ABCB4: variants seen among roughly 807,000 people sequenced by gnomAD.
ABCB4 encodes the protein phosphatidylcholine translocator ABCB4.
In ABCB4, 76 loss-of-function variants were observed where a neutral mutation model predicts 145.7. The observed-to-expected ratio is 0.52, with a 90% CI of 0.43 to 0.63. ABCB4 has a LOEUF of 0.63. Among genes scored for constraint, ABCB4 ranks in the 30% least tolerant of loss-of-function variants. The pLI, the probability that ABCB4 is intolerant of heterozygous loss-of-function variation, is 0.00. For synonymous variants in ABCB4, 517 were observed against 566.8 expected, an observed-to-expected ratio of 0.91 and a Z score of 1.25; for missense variants, 1,234 against 1,553.1, an observed-to-expected ratio of 0.79 and a Z score of 3.45.
At chr7:87,465,539 T>C (rs544846027) in intron 3 of ABCB4, among the ~76,000 whole-genome samples, 3 of 151,862 alleles carry the variant, frequency 2.0e-5, no homozygotes, top group African/African-American at 7.2e-5. Flanking sequence ...GTCTGACAGG[T>C]TTCAAGAGAG....
chr7:87,391,031 A>AG, the ABCB4 span, among the ~76,000 whole-genome samples: 15 of 152,286 alleles, frequency 9.8e-5, no homozygotes, highest in African/African-American at 3.1e-4. Context: ...TGCTCTCCTG[A>AG]GGGTAGGTCC....
intron 21 of ABCB4, 38 bp from the exon 22 acceptor site, chr7:87,413,755 T>C (rs1808785189): frequency 1.5e-6 from 2 of 1,350,946 alleles, no homozygotes; most frequent in Non-Finnish European, 2.1e-6. Flanking sequence ...AAGTGGTGTT[T>C]TCACTTCTGA....
At chr7:87,437,192 G>A (rs915408602) in intron 14 of ABCB4, among the ~76,000 whole-genome samples, 6 of 152,164 alleles carry the variant, frequency 3.9e-5, no homozygotes, top group Non-Finnish European at 7.3e-5. Flanking sequence ...AACAAGATGA[G>A]TTCTGGAGTC....
Position 87,423,930 on chromosome 7 carries a change from T to A in ABCB4, c.2187A>T (p.Ser729=), listed in dbSNP as rs76803195. 1.6e-5 allele frequency: 26 copies of A among 1,613,984 alleles called. No homozygotes were observed. The highest frequency in any genetic ancestry group is 2.2e-5 in the Non-Finnish European group (26 of 1,179,974). The change falls in exon 17 of 28, where the codon TCA becomes TCT. Residue 729 remains serine (S), a synonymous_variant. Coordinates refer to ENST00000649586, the MANE Select transcript of ABCB4 (RefSeq NM_000443.4). Reference sequence around the variant, plus strand: ...CCGCTATGATCTCTGAGAATATGACTGAAAATGCCGGCTGAAGCCCCCCAT... The same window carrying A: ...CCGCTATGATCTCTGAGAATATGACAGAAAATGCCGGCTGAAGCCCCCCAT... ...IANGGLQPAF[S]VIFSEIIAIF... is the part of the protein sequence containing the mutation.
chr7:87,367,478 T>C, the ABCB4 span, among the ~76,000 whole-genome samples: 10 of 152,194 alleles, frequency 6.6e-5, no homozygotes, highest in Non-Finnish European at 1.5e-4. Flanking sequence ...GATAATAAAT[T>C]TGTGTTGTTT....
chr7:87,469,406 CA>C (rs1813192301), intron 3 of ABCB4, among the ~76,000 whole-genome samples: 1 of 152,108 alleles, frequency 6.6e-6, no homozygotes, highest in Non-Finnish European at 1.5e-5. Context: ...AAAGGGTATT[CA>C]ATTAGGAAAA....
At chr7:87,391,390 C>T in the ABCB4 span, among the ~76,000 whole-genome samples, 3 of 152,206 alleles carry the variant, frequency 2.0e-5, no homozygotes, top group African/African-American at 4.8e-5. Context: ...GCAGCCACGC[C>T]TTTGAAACAG....
downstream of ABCB4, among the ~76,000 whole-genome samples, chr7:87,396,827 ATT>A (rs1354427865): frequency 6.6e-6 from 1 of 152,100 alleles, no homozygotes. Context: ...CACTGTAAAT[ATT>A]TGTGTCCTTT....
chr7:87,427,003 AG>A, intron 15 of ABCB4, 83 bp from the exon 16 acceptor site: 1 of 1,304,194 alleles, frequency 7.7e-7, no homozygotes, highest in Admixed American at 1.8e-5. Context: ...GTAACCTCCA[AG>A]TTTAGAATCA....
intron 14 of ABCB4, among the ~76,000 whole-genome samples, chr7:87,437,350 G>C (rs1307014776): frequency 6.6e-6 from 1 of 152,182 alleles, no homozygotes; most frequent in Non-Finnish European, 1.5e-5. Flanking sequence ...CAGCGTGTGA[G>C]TGAGGCCACC....
At chr7:87,427,108 G>A (rs1809888152) in intron 15 of ABCB4, among the ~76,000 whole-genome samples, 188 bp from the exon 16 acceptor site, 2 of 151,836 alleles carry the variant, frequency 1.3e-5, no homozygotes, top group Admixed American at 1.3e-4. Context: ...AGTATAGAAA[G>A]GTTAAATTCA....
At chr7:87,436,730 C>T (rs1191099198) in intron 14 of ABCB4, among the ~76,000 whole-genome samples, 1 of 152,154 alleles carries the variant, frequency 6.6e-6, no homozygotes, top group Non-Finnish European at 1.5e-5. Flanking sequence ...TCCCATTTCC[C>T]TGGAGTAGTG....
chr7:87,443,357 G>A lies in ABCB4; in HGVS notation c.1318C>T (p.Gln440Ter), dbSNP rs1265221541. ...GGGTCATAGAGCCTCTGTATCAGCTGGACCGTTGTGCTCTTCCCACAGCCA... is the reference window on the plus strand; with the variant it reads ...GGGTCATAGAGCCTCTGTATCAGCTAGACCGTTGTGCTCTTCCCACAGCCA... ...SSGCGKSTTV[Q>*]LIQRLYDPDE... is the part of the protein sequence containing the mutation. The change falls in exon 12 of 28, where the codon CAG (glutamine) becomes TAG (stop). Residue 440 changes from glutamine (Q) to a stop codon, truncating the protein, a stop_gained. Transcript: ENST00000649586. LOFTEE classifies it high-confidence loss of function. 3 of 1,614,046 alleles carry A rather than the reference G, an allele frequency of 1.9e-6. No homozygotes were observed. The highest frequency in any genetic ancestry group is 8.5e-7 in the Non-Finnish European group (1 of 1,180,008).
rs748657435 is a variant in ABCB4, at chr7:87,440,323, G to A, written c.1436C>T (p.Pro479Leu). The A allele has an allele frequency of 3.1e-6, 5 of 1,614,018 alleles. No homozygotes were observed. The highest frequency in any genetic ancestry group is 1.3e-5 in the African/African-American group (1 of 75,002). ...AGCAATTGTGGTGGAAAACAGCACCGGCTCCTGACTCACCACACCAATGAT... is the reference window on the plus strand; with the variant it reads ...AGCAATTGTGGTGGAAAACAGCACCAGCTCCTGACTCACCACACCAATGAT... ...REIIGVVSQEPVLFSTTIAEN... is the reference protein window; with the variant it reads ...REIIGVVSQELVLFSTTIAEN... The change falls in exon 13 of 28, where the codon CCG (proline) becomes CTG (leucine). Residue 479 changes from proline (P) to leucine (L), a missense_variant. By Grantham distance (98) the Pro-to-Leu change is moderately conservative. Coordinates refer to ENST00000649586, the MANE Select transcript of ABCB4 (RefSeq NM_000443.4).
chr7:87,456,325 A>T (rs1812098119), intron 4 of ABCB4, among the ~76,000 whole-genome samples: 1 of 152,160 alleles, frequency 6.6e-6, no homozygotes, highest in Non-Finnish European at 1.5e-5. Context: ...TCACGTTGAA[A>T]TGTGATCCTC....
At chr7:87,411,685 A>G (rs533960000) in intron 23 of ABCB4, among the ~76,000 whole-genome samples, 1 of 152,282 alleles carries the variant, frequency 6.6e-6, no homozygotes, top group South Asian at 2.1e-4. Flanking sequence ...TCATTTTCAT[A>G]AGCTTAATTG....
chr7:87,424,853 G>A (rs962099275), intron 16 of ABCB4, among the ~76,000 whole-genome samples: 4 of 152,042 alleles, frequency 2.6e-5, no homozygotes, highest in African/African-American at 4.8e-5. Flanking sequence ...GCAGGATTTA[G>A]GTCTCATAAA....
chr7:87,382,172 TC>T, the ABCB4 span: 1 of 1,605,302 alleles, frequency 6.2e-7, no homozygotes, highest in East Asian at 2.2e-5. Flanking sequence ...AAGCCCAGTA[TC>T]TCAGGGAGGT....
At chr7:87,392,919 G>A in the ABCB4 span, 1 of 1,612,886 alleles carries the variant, frequency 6.2e-7, no homozygotes, top group Non-Finnish European at 8.5e-7. Context: ...TGTAGGCCTA[G>A]TAAAATGTTC....
Sources: allele counts gnomAD v4.1 joint callset (sites outside exome capture counted in the v4.1 genomes callset), GRCh38; gene constraint gnomAD v4.1.1; transcripts MANE v1.5; gene names NCBI Gene and HGNC (gene_info 2026-07-23, HGNC 2026-07-21).